The following POU2F3 variants were observed in gnomAD, a reference collection of about 807,000 sequenced individuals.
The protein encoded by POU2F3 is POU class 2 homeobox 3.
Under a neutral mutation model 59.2 loss-of-function variants are expected in POU2F3, and 23 were observed. The observed-to-expected ratio is 0.39, with a 90% CI of 0.28 to 0.55. POU2F3 has a LOEUF of 0.55. POU2F3 is among the 20% of genes least tolerant of loss of function. The pLI, the probability that POU2F3 is intolerant of heterozygous loss-of-function variation, is 0.66. For synonymous variants in POU2F3, 190 were observed against 214.6 expected, an observed-to-expected ratio of 0.89 and a Z score of 1.00; for missense variants, 473 against 544.5, an observed-to-expected ratio of 0.87 and a Z score of 1.31.
At chr11:120,316,302 G>A (rs1431417305) in intron 11 of POU2F3, among the ~76,000 whole-genome samples, 1 of 152,258 alleles carries the variant, frequency 6.6e-6, no homozygotes, top group African/African-American at 2.4e-5. Flanking sequence ...CCATTTCACA[G>A]AGGATGAAAA....
chr11:120,309,145 C>T (rs2135124656), intron 9 of POU2F3, among the ~76,000 whole-genome samples: 1 of 152,064 alleles, frequency 6.6e-6, no homozygotes, highest in South Asian at 2.1e-4. Context: ...TTGTATCAGG[C>T]CCTGTGCTTG....
chr11:120,287,722 A>G (rs1454035174), intron 3 of POU2F3, among the ~76,000 whole-genome samples: 2 of 152,220 alleles, frequency 1.3e-5, no homozygotes, highest in Non-Finnish European at 2.9e-5. Flanking sequence ...TAATAGGTGT[A>G]ACAGGATAGG....
upstream of POU2F3, chr11:120,236,835 GGGCACCC>G: frequency 1.1e-6 from 1 of 899,736 alleles, no homozygotes; most frequent in Non-Finnish European, 1.7e-6. Context: ...GGGACTTAGA[GGGCACCC>G]CAGCCTTCTA....
chr11:120,258,019 T>C (rs1478862254), intron 2 of POU2F3, among the ~76,000 whole-genome samples: 7 of 152,122 alleles, frequency 4.6e-5, no homozygotes, highest in Non-Finnish European at 4.4e-5. Flanking sequence ...ATGAAATGAG[T>C]CTATCTGTAG....
chr11:120,283,461 G>T (rs1043917945), intron 3 of POU2F3, among the ~76,000 whole-genome samples: 3 of 151,938 alleles, frequency 2.0e-5, no homozygotes, highest in Non-Finnish European at 4.4e-5. Context: ...AGGATCTGGG[G>T]AGTCCAAGTG....
At chr11:120,266,209 C>G (rs1258336962) in intron 2 of POU2F3, among the ~76,000 whole-genome samples, 1 of 152,172 alleles carries the variant, frequency 6.6e-6, no homozygotes, top group Admixed American at 6.5e-5. Flanking sequence ...AGCCCAGACC[C>G]TAGGAATCAT....
At chr11:120,270,982 C>T (rs1028447935) in intron 3 of POU2F3, among the ~76,000 whole-genome samples, 5 of 152,218 alleles carry the variant, frequency 3.3e-5, no homozygotes, top group Non-Finnish European at 7.3e-5. Flanking sequence ...GTGTGACCCA[C>T]AGTGCCTGGC....
rs1403817167 is a variant in POU2F3, at chr11:120,309,477, T to C, written c.959T>C (p.Met320Thr). The C allele has an allele frequency of 1.9e-6, 3 of 1,613,762 alleles. No individual in the cohort carries two copies. Among genetic ancestry groups the C allele is most frequent in the South Asian group, 1.1e-5 (1 of 91,078 alleles). ...EISMIAEQLS[M>T]EKEVVRVWFC... ...TCCATGATTGCAGAGCAGTTGTCCATGGAGAAGGAGGTGGTGAGGGTCTGG... is the reference window on the plus strand; with the variant it reads ...TCCATGATTGCAGAGCAGTTGTCCACGGAGAAGGAGGTGGTGAGGGTCTGG... The change falls in exon 10 of 13, where the codon ATG becomes ACG. Residue 320 changes from methionine to threonine, a missense_variant. Transcript: ENST00000543440.
In POU2F3 at chr11:120,285,250, C is replaced by G. The variant is rs542087448; in HGVS notation, c.133-13015C>G. On this transcript the variant is annotated intron_variant, in intron 3 of 12. Coordinates refer to ENST00000543440, the MANE Select transcript of POU2F3 (RefSeq NM_014352.4). The surrounding 1 kb of genome is among the most constrained non-coding windows in gnomAD (Gnocchi z 4.3). Reference sequence around the variant, plus strand: ...GCCTCATATACCAATTCTGCTGACACCCCTGTCAGATGGCCTGTGGTCCCA... The same window carrying G: ...GCCTCATATACCAATTCTGCTGACAGCCCTGTCAGATGGCCTGTGGTCCCA... 1.5e-4 allele frequency among the ~76,000 whole-genome samples: 23 copies of G among 152,298 alleles called. No individual in the cohort carries two copies. The highest frequency in any genetic ancestry group is 2.2e-4 in the Non-Finnish European group (15 of 68,020).
At chr11:120,288,127 C>CAAAAAAAAAA (rs1491240764) in intron 3 of POU2F3, among the ~76,000 whole-genome samples, 2 of 7,632 alleles carry the variant, frequency 2.6e-4, no homozygotes, top group African/African-American at 6.7e-4. Context: ...AACAAAAAAA[C>CAAAAAAAAAA]CAAAAAAAAA....
Position 120,318,237 on chromosome 11 carries a change from G to A in POU2F3, c.1272-116G>A, listed in dbSNP as rs184310662. ...AACCATCAGCGTTATCTAATTCCAG[G>A]ATGTTTTTATTACTCCTACCTGCAA... On this transcript the variant is annotated intron_variant, in intron 12 of 12. Coordinates refer to ENST00000543440, the MANE Select transcript of POU2F3 (RefSeq NM_014352.4). The A allele has an allele frequency of 1.5e-4, 141 of 917,134 alleles. 1 individual carries two copies. The East Asian group carries it at 1.8e-3, about 12-fold the overall frequency. 56.8% of individuals were successfully genotyped at this position (917,134 alleles called of 1,614,324 possible).
At chr11:120,255,983 TCATCTTTATCA>T (rs1939326760) in intron 2 of POU2F3, 1 of 152,192 alleles carries the variant, frequency 6.6e-6, no homozygotes, top group East Asian at 1.9e-4. Flanking sequence ...GATTCTGGAC[TCATCTTTATCA>T]CAAACCTGCG....
intron 10 of POU2F3, 33 bp from the exon 11 acceptor site, chr11:120,315,328 A>G (rs1941756511): frequency 6.3e-7 from 1 of 1,581,692 alleles, no homozygotes; most frequent in African/African-American, 1.3e-5. Context: ...AGGGAGCAGA[A>G]ATGGACATTT....
chr11:120,237,696 CAG>C (rs1938535589), upstream of POU2F3, among the ~76,000 whole-genome samples: 1 of 152,096 alleles, frequency 6.6e-6, no homozygotes, highest in Admixed American at 6.5e-5. Flanking sequence ...CACAAGCACA[CAG>C]GGGTATATAA....
intron 9 of POU2F3, among the ~76,000 whole-genome samples, chr11:120,308,676 G>A (rs1941565125): frequency 6.6e-6 from 1 of 152,008 alleles, no homozygotes; most frequent in Non-Finnish European, 1.5e-5. Context: ...GGTGACTCAT[G>A]CCTGTAATCC....
In POU2F3 at chr11:120,290,364, C is replaced by T. The variant is rs141482544; in HGVS notation, c.133-7901C>T. On this transcript the variant is annotated intron_variant, in intron 3 of 12. Coordinates refer to ENST00000543440, the MANE Select transcript of POU2F3 (RefSeq NM_014352.4). ...TCCCAGACTACACTTGTAAGTGTAG[C>T]CTGGAAATGTTTACCCCAACTGTGC... Among the ~76,000 whole-genome samples, 570 of 152,280 alleles carry T rather than the reference C, an allele frequency of 3.7e-3. 2 individuals carry two copies. Among genetic ancestry groups the T allele is most frequent in the Admixed American group, 7.1e-3 (109 of 15,296 alleles).
At chr11:120,317,141 G>A (rs1160858751) in intron 11 of POU2F3, 88 bp from the exon 12 acceptor site, 1 of 1,518,962 alleles carries the variant, frequency 6.6e-7, no homozygotes, top group African/African-American at 1.4e-5. Context: ...GGATACACCA[G>A]GAAATTTGTG....
upstream of POU2F3, chr11:120,236,738 C>T (rs114411459): frequency 1.5e-5 from 21 of 1,446,422 alleles, no homozygotes; most frequent in Admixed American, 3.9e-5. Context: ...CCCATTCTAG[C>T]TCATCTAACT....
chr11:120,302,439 C>T (rs1941374948), intron 6 of POU2F3, 71 bp downstream of exon 6: 2 of 1,435,188 alleles, frequency 1.4e-6, no homozygotes, highest in Non-Finnish European at 1.9e-6. Flanking sequence ...TCACTGGTTT[C>T]CCCCTACCCC....
Sources: gnomAD v4.1 joint callset for allele counts (sites outside exome capture counted in the v4.1 genomes callset) on GRCh38, gnomAD v4.1.1 for gene constraint, Gnocchi (gnomAD v3.1) non-coding constraint, MANE v1.5 for transcripts, NCBI Gene and HGNC (gene_info 2026-07-23, HGNC 2026-07-21) for gene names.